TCF20: variants seen among roughly 807,000 people sequenced by gnomAD.
TCF20 encodes SPRE-binding protein.
In TCF20, 3 loss-of-function variants were observed where a neutral mutation model predicts 148.6. The ratio of observed to expected loss-of-function variants is 0.02; its 90% CI spans 0.01 to 0.05. The LOEUF (loss-of-function observed/expected upper bound fraction) is 0.05, where lower values mean the gene tolerates loss of function less well. TCF20 is among the 10% of genes least tolerant of loss of function. The pLI, the probability that TCF20 is intolerant of heterozygous loss-of-function variation, is 1.00. For synonymous variants in TCF20, 1,049 were observed against 909.5 expected (o/e 1.15, Z -2.76); for missense variants, 2,350 against 2,429.3 (o/e 0.97, Z 0.69).
At chr22:42,250,505 T>C (rs1441956353) in intron 1 of TCF20, among the ~76,000 whole-genome samples, 5 of 151,932 alleles carry the variant, frequency 3.3e-5, no homozygotes, top group Non-Finnish European at 7.4e-5. Flanking sequence ...TTTTATACTG[T>C]TTTTGTGAAA....
chr22:42,261,908 T>G (rs770829051), intron 1 of TCF20, among the ~76,000 whole-genome samples: 8 of 152,128 alleles, frequency 5.3e-5, no homozygotes, highest in Non-Finnish European at 1.0e-4. Context: ...GGAGAATCAC[T>G]TGAACCTGGG....
intron 1 of TCF20, among the ~76,000 whole-genome samples, chr22:42,335,409 A>T (rs1928049271): frequency 6.6e-6 from 1 of 151,540 alleles, no homozygotes; most frequent in African/African-American, 2.4e-5. Context: ...TGTCACTCCT[A>T]CTCCACTGTG....
chr22:42,204,432 T>C (rs1938250096), intron 2 of TCF20, among the ~76,000 whole-genome samples: 1 of 151,928 alleles, frequency 6.6e-6, no homozygotes, highest in African/African-American at 2.4e-5. Flanking sequence ...GAGGCGGAGG[T>C]TGCCGTGAGC....
chr22:42,171,309 G>A (rs1013444684), intron 3 of TCF20, among the ~76,000 whole-genome samples: 9 of 152,192 alleles, frequency 5.9e-5, no homozygotes, highest in Non-Finnish European at 1.0e-4. Flanking sequence ...AGGCAGCCAC[G>A]GTACTTATCC....
chr22:42,273,352 C>T (rs951505511), upstream of TCF20, among the ~76,000 whole-genome samples: 1 of 108,288 alleles, frequency 9.2e-6, no homozygotes, highest in African/African-American at 3.8e-5. Context: ...AAGAGCAAAA[C>T]TCCGTCTCAA....
rs866012704 is a variant in TCF20, at chr22:42,323,864, T to C, written c.-37+19615A>G. 4.3e-5 allele frequency among the ~76,000 whole-genome samples: 5 copies of C among 116,278 alleles called. 1 individual carries two copies. The highest frequency in any genetic ancestry group is 9.8e-5 in the Non-Finnish European group (5 of 50,900). The allele number at this position is 116,278 out of a possible 152,430, so 76.3% of individuals were successfully genotyped here. ...GTGGTAGTGGTGATGGAGGTTATGG[T>C]GGTGGTGGTGGTGGTGGTGATGGAG... On this transcript the variant is annotated intron_variant, in intron 1 of 1. Coordinates refer to the TCF20 transcript ENST00000515426.
chr22:42,269,886 G>C (rs1313469704), intron 1 of TCF20: 1 of 152,180 alleles, frequency 6.6e-6, no homozygotes, highest in East Asian at 1.9e-4. Context: ...CGCTGGCCTC[G>C]CCTCCAGCCC....
chr22:42,301,668 G>C (rs909195285), intron 1 of TCF20, among the ~76,000 whole-genome samples: 1 of 152,248 alleles, frequency 6.6e-6, no homozygotes, highest in African/African-American at 2.4e-5. Context: ...AGGGGTCTGG[G>C]AGCAGCAAGG....
chr22:42,172,795 C>G (rs1480395970), intron 3 of TCF20, among the ~76,000 whole-genome samples: 1 of 152,174 alleles, frequency 6.6e-6, no homozygotes, highest in Admixed American at 6.5e-5. Context: ...ACACTCTACC[C>G]CAGTACTACT....
At chr22:42,300,690 G>A (rs1270841421) in intron 1 of TCF20, among the ~76,000 whole-genome samples, 1 of 152,112 alleles carries the variant, frequency 6.6e-6, no homozygotes, top group African/African-American at 2.4e-5. Context: ...AGTGGCAGGG[G>A]AGGGTCTCAG....
At position 42,270,454 on chromosome 22, in the gene TCF20, C is replaced by T. The variant is rs2147001975; in HGVS notation, c.-152G>A. On this transcript the variant is annotated 5_prime_UTR_variant, in exon 1 of 6. Transcript: ENST00000677622. ...GGGGTGGGGGTGGCTCCGCCGCCTC[C>T]AGCTCGGGCGCCCGGGCCGGCGGCG... 6.9e-6 allele frequency among the ~76,000 whole-genome samples: 1 copy of T among 144,196 alleles called. No individual in the cohort carries two copies. The highest frequency in any genetic ancestry group is 2.5e-5 in the African/African-American group (1 of 40,224). The allele number at this position is 144,196 out of a possible 152,430, so 94.6% of individuals were successfully genotyped here.
At chr22:42,250,880 G>A (rs1309002221) in intron 1 of TCF20, among the ~76,000 whole-genome samples, 1 of 152,200 alleles carries the variant, frequency 6.6e-6, no homozygotes, top group Non-Finnish European at 1.5e-5. Flanking sequence ...GAAGGCAAAG[G>A]GGGAACAGGC....
chr22:42,218,785 A>G (rs958116124), intron 1 of TCF20, among the ~76,000 whole-genome samples: 38 of 151,094 alleles, frequency 2.5e-4, no homozygotes, highest in African/African-American at 9.2e-4. Flanking sequence ...CCAGACAGGG[A>G]AAACAGATAC....
intron 1 of TCF20, among the ~76,000 whole-genome samples, chr22:42,332,046 G>A (rs975797110): frequency 1.3e-5 from 2 of 152,232 alleles, no homozygotes; most frequent in Non-Finnish European, 2.9e-5. Context: ...GTGAACCAAC[G>A]AAAGGCACCG....
rs1216869426 is a variant in TCF20 at position 42,290,742 on chromosome 22, G to C, written c.-37+52737C>G. Among the ~76,000 whole-genome samples the C allele has an allele frequency of 1.3e-5, 2 of 152,224 alleles. No homozygotes were observed. The highest frequency in any genetic ancestry group is 2.9e-5 in the Non-Finnish European group (2 of 68,036). ...ACACTAGGCCTGGGGATGAGGCTGG[G>C]ATGAGATGCTGGCCTCAAGGACAAT... On this transcript the variant is annotated intron_variant, in intron 1 of 1. Coordinates refer to the TCF20 transcript ENST00000515426. The surrounding 1 kb of genome is among the most constrained non-coding windows in gnomAD (Gnocchi z 4.2).
At chr22:42,181,366 T>C (rs1467322184) in intron 2 of TCF20, among the ~76,000 whole-genome samples, 1 of 152,022 alleles carries the variant, frequency 6.6e-6, no homozygotes, top group East Asian at 1.9e-4. Context: ...GTATTTTTAG[T>C]AGAGATGGGG....
At chr22:42,301,442 C>T (rs1388365397) in intron 1 of TCF20, among the ~76,000 whole-genome samples, 3 of 152,168 alleles carry the variant, frequency 2.0e-5, no homozygotes, top group African/African-American at 7.2e-5. Flanking sequence ...GGGTAAGGCA[C>T]GTGGCCTGGT....
At chr22:42,300,461 C>T (rs1927318094) in intron 1 of TCF20, among the ~76,000 whole-genome samples, 1 of 152,136 alleles carries the variant, frequency 6.6e-6, no homozygotes, top group Non-Finnish European at 1.5e-5. Context: ...GAACCTCGGT[C>T]ACCTCCCACT....
chr22:42,312,595 C>T (rs1462314221), intron 1 of TCF20, among the ~76,000 whole-genome samples: 1 of 152,144 alleles, frequency 6.6e-6, no homozygotes, highest in East Asian at 1.9e-4. Flanking sequence ...AGAGCCAGCT[C>T]TATTATCACC....
Sources: gnomAD v4.1 joint callset for allele counts (sites outside exome capture counted in the v4.1 genomes callset) on GRCh38, gnomAD v4.1.1 for gene constraint, Gnocchi (gnomAD v3.1) non-coding constraint, MANE v1.5 for transcripts, NCBI Gene and HGNC (gene_info 2026-07-23, HGNC 2026-07-21) for gene names.